The following CHD1L variants were observed in gnomAD, a reference collection of about 807,000 sequenced individuals.
CHD1L encodes ATP-dependent chromatin remodeler CHD1L.
Under a neutral mutation model 115.9 loss-of-function variants are expected in CHD1L, and 118 were observed. The observed-to-expected ratio is 1.02, with a 90% CI of 0.88 to 1.19. The LOEUF is 1.19. Ranked by LOEUF, CHD1L falls within the 50% of genes most tolerant of loss-of-function variation. The pLI is 0.00. For synonymous variants in CHD1L, 411 were observed against 387.1 expected (o/e 1.06, Z -0.72); for missense variants, 1,179 against 1,065.3 (o/e 1.11, Z -1.49).
chr1:147,275,516 G>A (rs1324479392), intron 13 of CHD1L, 48 bp downstream of exon 13: 1 of 1,470,650 alleles, frequency 6.8e-7, no homozygotes, highest in Middle Eastern at 1.7e-4. Context: ...AGCAGTTCTG[G>A]GTTGTGAAAA....
At chr1:147,184,541 T>G in the CHD1L span, 5 of 1,548,686 alleles carry the variant, frequency 3.2e-6, no homozygotes, top group South Asian at 6.0e-5. The surrounding 1 kb of genome is among the most constrained non-coding windows in gnomAD (Gnocchi z 4.4). Context: ...CAGACTTTCT[T>G]TGTTGATGAT....
chr1:147,295,372 C>A, intron 22 of CHD1L, 59 bp from the exon 23 acceptor site: 2 of 1,108,288 alleles, frequency 1.8e-6, no homozygotes, highest in South Asian at 2.5e-5. Flanking sequence ...GAGAACTAGT[C>A]GTTTTGGTAA....
intron 22 of CHD1L, among the ~76,000 whole-genome samples, chr1:147,294,919 T>G (rs1326784570): frequency 1.3e-5 from 2 of 152,230 alleles, no homozygotes; most frequent in African/African-American, 2.4e-5. Flanking sequence ...GTGAACTATT[T>G]TATTCCTGAA....
chr1:147,203,721 C>A, the CHD1L span: 1 of 1,521,726 alleles, frequency 6.6e-7, no homozygotes, highest in Non-Finnish European at 9.1e-7. Context: ...AGACGTTTAT[C>A]CCTTGTAAGA....
the CHD1L span, among the ~76,000 whole-genome samples, chr1:147,188,994 G>A: frequency 6.6e-6 from 1 of 152,208 alleles, no homozygotes; most frequent in African/African-American, 2.4e-5. Context: ...AGCAGTTTCC[G>A]GCCAGGTACG....
chr1:147,254,994 C>A lies in CHD1L; in HGVS notation c.347+18C>A, dbSNP rs1553939016. ...ATGCAGAGGTACAGAGTAGATGTAG[C>A]TGAAATTTTATTGTTTATCTTGATT... On this transcript the variant is annotated intron_variant, in intron 3 of 22. Transcript: ENST00000369258. 1.3e-6 allele frequency: 2 copies of A among 1,516,982 alleles called. No individual in the cohort carries two copies. Among genetic ancestry groups the A allele is most frequent in the Admixed American group, 2.2e-5 (1 of 44,802 alleles). 94.0% of individuals were successfully genotyped at this position (1,516,982 alleles called of 1,614,324 possible). A position where few individuals can be genotyped will look rare whatever the true frequency, so the allele number is the denominator to read the frequency against.
intron 2 of CHD1L, 45 bp from the exon 3 acceptor site, chr1:147,254,825 A>G (rs587679276): frequency 7.2e-7 from 1 of 1,383,580 alleles, no homozygotes; most frequent in Non-Finnish European, 9.9e-7. Context: ...GTTGTTTCTC[A>G]TGGGGAAATG....
At chr1:147,282,480 G>C (rs1681298254) in intron 15 of CHD1L, among the ~76,000 whole-genome samples, 1 of 152,128 alleles carries the variant, frequency 6.6e-6, no homozygotes. Context: ...CCCTTGGCTA[G>C]GCACCTGTGT....
At chr1:147,212,418 A>G in the CHD1L span, 29 of 1,613,978 alleles carry the variant, frequency 1.8e-5, no homozygotes, top group African/African-American at 2.7e-5. Flanking sequence ...GCTAATCTCT[A>G]CAGCCAGATC....
At chr1:147,262,263 A>G (rs1473581378) in intron 6 of CHD1L, among the ~76,000 whole-genome samples, 3 of 152,038 alleles carry the variant, frequency 2.0e-5, no homozygotes, top group Non-Finnish European at 4.4e-5. Flanking sequence ...TGTACAATTT[A>G]TGCGACATTC....
rs1208489356 is a variant in CHD1L, at chr1:147,256,519, C to T, written c.463-12C>T. 1 of 1,612,582 alleles carries T rather than the reference C, an allele frequency of 6.2e-7. No individual in the cohort carries two copies. The highest frequency in any genetic ancestry group is 1.1e-5 in the South Asian group (1 of 91,004). On this transcript the variant is annotated splice_polypyrimidine_tract_variant and intron_variant, in intron 4 of 22. Coordinates refer to ENST00000369258, the MANE Select transcript of CHD1L (RefSeq NM_004284.6). ...ATGCCAGCCTTTATAACGTGTCTTCCTAATTTTTCAGATTTGCTTGAAAGA... is the reference window on the plus strand; with the variant it reads ...ATGCCAGCCTTTATAACGTGTCTTCTTAATTTTTCAGATTTGCTTGAAAGA...
At chr1:147,289,586 C>T (rs904184188) in intron 19 of CHD1L, among the ~76,000 whole-genome samples, 3 of 152,110 alleles carry the variant, frequency 2.0e-5, no homozygotes, top group Non-Finnish European at 4.4e-5. Context: ...AGGATTGAAG[C>T]AGGTTGCAGC....
the CHD1L span, chr1:147,209,064 A>T: frequency 6.2e-7 from 1 of 1,609,254 alleles, no homozygotes; most frequent in Non-Finnish European, 8.5e-7. Context: ...GGGGCATGGA[A>T]GAAATTGTTT....
chr1:147,178,917 C>T, the CHD1L span: 1 of 1,583,104 alleles, frequency 6.3e-7, no homozygotes, highest in Non-Finnish European at 8.7e-7. Flanking sequence ...ATGATGTGGA[C>T]TATGAAAAGA....
the CHD1L span, chr1:147,203,226 A>T: frequency 1.0e-6 from 1 of 990,836 alleles, no homozygotes; most frequent in Non-Finnish European, 1.5e-6. Flanking sequence ...GATTCTTAGA[A>T]TACTACTACA....
intron 15 of CHD1L, among the ~76,000 whole-genome samples, chr1:147,283,366 A>G (rs191073339): frequency 4.5e-4 from 68 of 152,320 alleles, no homozygotes; most frequent in African/African-American, 1.5e-3. Flanking sequence ...TTTCACAAAT[A>G]TTGTGAAAAT....
At position 147,242,729 on chromosome 1, in the gene CHD1L, G is replaced by A. The variant is rs782506295; in HGVS notation, c.26G>A (p.Arg9His). The A allele has an allele frequency of 1.6e-6, 2 of 1,258,674 alleles. No homozygotes were observed. The highest frequency in any genetic ancestry group is 2.0e-6 in the Non-Finnish European group (2 of 996,754). The allele number at this position is 1,258,674 out of a possible 1,614,324, so 78.0% of individuals were successfully genotyped here. Residue 9 changes from arginine to histidine, a missense_variant, in exon 1 of 23, where the codon CGC becomes CAC. Physicochemically the swap from Arg to His is conservative, Grantham distance 29. Transcript: ENST00000369258. MERAGATS[R>H]GGQAPGFLLR... ...ATGGAGCGCGCGGGCGCTACTAGCC[G>A]CGGGGGCCAAGCCCCTGGCTTCTTA...
intron 19 of CHD1L, among the ~76,000 whole-genome samples, chr1:147,288,420 G>A (rs1313064700): frequency 2.0e-5 from 3 of 151,674 alleles, no homozygotes; most frequent in African/African-American, 7.3e-5. Flanking sequence ...GAAGCCGGGC[G>A]TGGTGGCTCA....
the CHD1L span, among the ~76,000 whole-genome samples, chr1:147,232,417 G>T: frequency 1.3e-5 from 2 of 152,038 alleles, no homozygotes; most frequent in East Asian, 3.9e-4. Context: ...CTCCTAGAGC[G>T]GTTGTATTCC....
Sources: allele counts gnomAD v4.1 joint callset (sites outside exome capture counted in the v4.1 genomes callset), GRCh38; gene constraint gnomAD v4.1.1; non-coding constraint Gnocchi (gnomAD v3.1); transcripts MANE v1.5; gene names NCBI Gene and HGNC (gene_info 2026-07-23, HGNC 2026-07-21).